Variants in TEX9 observed in about 807,000 individuals in gnomAD.
The protein encoded by TEX9 is testis-expressed protein 9.
Under a neutral mutation model 59.6 loss-of-function variants are expected in TEX9, and 74 were observed. The ratio of observed to expected loss-of-function variants is 1.24; its 90% CI spans 1.03 to 1.51. TEX9 has a LOEUF of 1.51. Among genes scored for constraint, TEX9 ranks in the 40% most tolerant of loss-of-function variants. The pLI is 0.00. For synonymous variants in TEX9, 186 were observed against 152.2 expected (o/e 1.22, Z -1.64); for missense variants, 522 against 447.8 (o/e 1.17, Z -1.49).
At chr15:56,256,761 CTTAT>C (rs1319179163) in intron 1 of TEX9, among the ~76,000 whole-genome samples, 12 of 152,008 alleles carry the variant, frequency 7.9e-5, no homozygotes, top group East Asian at 1.9e-4. Flanking sequence ...CTAATTTTTA[CTTAT>C]TTATTTATTT....
At chr15:56,294,613 C>A (rs925417639) in intron 1 of TEX9, among the ~76,000 whole-genome samples, 1 of 152,184 alleles carries the variant, frequency 6.6e-6, no homozygotes, top group South Asian at 2.1e-4. Context: ...TCTTAAGGAG[C>A]CTTTGGTAAT....
intron 2 of TEX9, among the ~76,000 whole-genome samples, chr15:56,372,037 TGA>T (rs1333664260): frequency 6.6e-6 from 1 of 152,250 alleles, no homozygotes; most frequent in African/African-American, 2.4e-5. Flanking sequence ...TTCCCTTGCC[TGA>T]GTTTGAGCTT....
intron 1 of TEX9, among the ~76,000 whole-genome samples, chr15:56,251,786 G>A (rs1368549591): frequency 1.3e-5 from 2 of 152,138 alleles, no homozygotes; most frequent in Non-Finnish European, 2.9e-5. Flanking sequence ...GAAAGCAGGT[G>A]CAAATGAAGA....
chr15:56,413,874 C>A lies in TEX9; in HGVS notation c.963+1438C>A, dbSNP rs540334942. Among the ~76,000 whole-genome samples, 15 of 151,536 alleles carry A rather than the reference C, an allele frequency of 9.9e-5. No individual in the cohort carries two copies. The East Asian group carries it at 2.9e-3, about 29-fold the overall frequency. On this transcript the variant is annotated intron_variant, in intron 10 of 12. Coordinates refer to ENST00000352903, the Ensembl canonical transcript of TEX9. ...ACATGTTTGAGAGGCAAATATGTGC[C>A]GTAGTGATTACAGAGTTTTAAGATG...
intron 1 of TEX9, among the ~76,000 whole-genome samples, chr15:56,289,339 G>A (rs2045030038): frequency 6.6e-6 from 1 of 152,042 alleles, no homozygotes; most frequent in African/African-American, 2.4e-5. Flanking sequence ...ACTTGGTGGA[G>A]CAGTTGCCTC....
In TEX9 at chr15:56,394,841, A is replaced by G; in HGVS notation, c.828+7A>G. The stretch of plus-strand genomic sequence containing the variant: ...GTTGTCTTCAGTAGAAAGGGTAATT[A>G]TTTGGTATTTTTCCTAACTTAATGC... On this transcript the variant is annotated splice_region_variant and intron_variant, in intron 9 of 12. Coordinates refer to ENST00000352903, the Ensembl canonical transcript of TEX9. The G allele has an allele frequency of 6.2e-7, 1 of 1,601,638 alleles. No homozygotes were observed. The highest frequency in any genetic ancestry group is 1.1e-5 in the South Asian group (1 of 88,546).
intron 2 of TEX9, among the ~76,000 whole-genome samples, chr15:56,367,042 T>G (rs1214194748): frequency 2.0e-5 from 3 of 152,342 alleles, no homozygotes; most frequent in African/African-American, 7.2e-5. Flanking sequence ...TGGATTAGGT[T>G]TATTTGTTCA....
intron 1 of TEX9, among the ~76,000 whole-genome samples, chr15:56,305,538 C>T (rs1469659791): frequency 6.6e-6 from 1 of 152,064 alleles, no homozygotes. Context: ...ATAGTCTCTT[C>T]AATAAAAGGT....
intron 12 of TEX9, among the ~76,000 whole-genome samples, chr15:56,445,265 T>C (rs2050887452): frequency 6.6e-6 from 1 of 152,062 alleles, no homozygotes; most frequent in African/African-American, 2.4e-5. Flanking sequence ...TTTAATTCAC[T>C]CAAGACCATT....
chr15:56,433,456 G>A (rs1394313472), intron 12 of TEX9, among the ~76,000 whole-genome samples: 1 of 151,962 alleles, frequency 6.6e-6, no homozygotes, highest in Non-Finnish European at 1.5e-5. Flanking sequence ...TGGAATGACA[G>A]TATTATTTAT....
intron 9 of TEX9, among the ~76,000 whole-genome samples, chr15:56,410,764 C>G (rs1425246769): frequency 1.3e-5 from 2 of 152,142 alleles, no homozygotes; most frequent in East Asian, 3.8e-4. Context: ...GGGAAAGATT[C>G]ATTTCTATAT....
chr15:56,293,360 C>G (rs999863025), intron 1 of TEX9, among the ~76,000 whole-genome samples: 11 of 151,984 alleles, frequency 7.2e-5, no homozygotes, highest in African/African-American at 2.7e-4. Context: ...ACAGTCCCTT[C>G]TTTGCCATCT....
chr15:56,250,775 A>T (rs1218868471), intron 1 of TEX9, among the ~76,000 whole-genome samples: 1 of 152,170 alleles, frequency 6.6e-6, no homozygotes, highest in Non-Finnish European at 1.5e-5. Flanking sequence ...AAAAAAAACA[A>T]AATAATTCAG....
intron 1 of TEX9, among the ~76,000 whole-genome samples, chr15:56,336,592 T>A (rs1322470552): frequency 1.3e-5 from 2 of 152,158 alleles, no homozygotes; most frequent in African/African-American, 4.8e-5. Flanking sequence ...TGGTACTTTG[T>A]TATAACAGCC....
intron 10 of TEX9, among the ~76,000 whole-genome samples, chr15:56,426,630 CACACACAA>C (rs1457099579): frequency 1.5e-4 from 8 of 54,174 alleles, no homozygotes; most frequent in East Asian, 6.7e-4. Context: ...TATATATACA[CACACACAA>C]ACACACACAC....
At chr15:56,449,785 A>T (rs1404546779), downstream of TEX9, among the ~76,000 whole-genome samples, 1 of 152,206 alleles carries the variant, frequency 6.6e-6, no homozygotes, top group Admixed American at 6.5e-5. Flanking sequence ...CAGTTTGGTA[A>T]AATGTGCTAA....
intron 1 of TEX9, among the ~76,000 whole-genome samples, chr15:56,282,353 A>G (rs542934844): frequency 1.8e-4 from 27 of 152,280 alleles, no homozygotes; most frequent in Admixed American, 1.6e-3. Flanking sequence ...CCTTCTTAAC[A>G]TGGTAAAGCG....
At position 56,444,797 on chromosome 15, in the gene TEX9, T is replaced by C. The variant is rs1469295661; in HGVS notation, c.*30-874T>C. On this transcript the variant is annotated intron_variant, in intron 12 of 12. Coordinates refer to ENST00000352903, the Ensembl canonical transcript of TEX9. ...CATAAAATAAATTTTTTCATCTGTC[T>C]AGGTTAAAAAGCAAAAGTAAGTTAT... 7.8e-6 allele frequency: 7 copies of C among 891,772 alleles called. No homozygotes were observed. The Admixed American group carries it at 1.6e-4, about 21-fold the overall frequency. The allele number at this position is 891,772 out of a possible 1,614,324, so 55.2% of individuals were successfully genotyped here.
chr15:56,384,095 T>A, intron 4 of TEX9, 64 bp downstream of exon 4: 4 of 1,297,498 alleles, frequency 3.1e-6, no homozygotes, highest in Non-Finnish European at 4.4e-6. Flanking sequence ...TTATGTAAGA[T>A]CTTTTTTGCA....
Sources: gnomAD v4.1 joint callset for allele counts (sites outside exome capture counted in the v4.1 genomes callset) on GRCh38, gnomAD v4.1.1 for gene constraint, MANE v1.5 for transcripts, NCBI Gene and HGNC (gene_info 2026-07-23, HGNC 2026-07-21) for gene names.